Variants in ASTN2 observed in about 807,000 individuals in gnomAD.
ASTN2 encodes the protein astrotactin-2.
A neutral mutation model predicts 139.8 loss-of-function variants in ASTN2; 54 were observed. The ratio of observed to expected loss-of-function variants is 0.39; its 90% CI spans 0.31 to 0.48. The LOEUF (loss-of-function observed/expected upper bound fraction) is 0.48. ASTN2 is among the 20% of genes least tolerant of loss of function. The probability of loss-of-function intolerance (pLI) is 0.95; values close to 1 mark genes in which losing one functional copy is unlikely to be tolerated. For missense variants in ASTN2, 1,565 were observed against 1,725.1 expected (o/e 0.91, Z 1.64); for synonymous variants, 756 against 719.5 (o/e 1.05, Z -0.81).
Position 117,324,922 on chromosome 9 carries a change from G to A in ASTN2, c.443-33409C>T, listed in dbSNP as rs374302714. Among the ~76,000 whole-genome samples the A allele has an allele frequency of 3.9e-4, 59 of 152,244 alleles. 1 individual carries two copies. In the East Asian group the frequency reaches 6.8e-3, roughly 18 times the overall value. On this transcript the variant is annotated intron_variant, in intron 1 of 22. Coordinates refer to ENST00000313400, the MANE Select transcript of ASTN2 (RefSeq NM_001365068.1). ...TCAAAAGGAAGGGATATATCTATGG[G>A]CAGTGGGAGTGAAAGGGAGTGCTAT...
At chr9:117,169,637 A>G (rs1830745305) in intron 3 of ASTN2, among the ~76,000 whole-genome samples, 1 of 151,830 alleles carries the variant, frequency 6.6e-6, no homozygotes, top group South Asian at 2.1e-4. Context: ...TTGCCAACAC[A>G]CGCTTTCAAA....
At chr9:116,864,563 A>G (rs1027286343) in intron 10 of ASTN2, among the ~76,000 whole-genome samples, 6 of 152,204 alleles carry the variant, frequency 3.9e-5, no homozygotes, top group Admixed American at 2.0e-4. Context: ...TGTCTTCTGC[A>G]GAAAGGGCCC....
chr9:117,382,524 G>A (rs1291603375), intron 1 of ASTN2, among the ~76,000 whole-genome samples: 3 of 152,198 alleles, frequency 2.0e-5, no homozygotes, highest in Admixed American at 2.0e-4. Context: ...GAGGTGGTAG[G>A]TGGCAGCATA....
At chr9:117,128,679 G>C (rs1231858675) in intron 4 of ASTN2, among the ~76,000 whole-genome samples, 1 of 152,208 alleles carries the variant, frequency 6.6e-6, no homozygotes, top group Admixed American at 6.5e-5. Context: ...CCTATGCCTA[G>C]GGTTGAACAA....
At chr9:117,134,293 TATACACACACACACACAC>T (rs1442580519) in intron 4 of ASTN2, among the ~76,000 whole-genome samples, 13 of 53,914 alleles carry the variant, frequency 2.4e-4, no homozygotes, top group African/African-American at 7.7e-4. Context: ...TATATATATA[TATACACACACACACACAC>T]ACACACACAC....
chr9:116,490,641 C>T (rs1849491208), intron 19 of ASTN2, among the ~76,000 whole-genome samples: 1 of 152,132 alleles, frequency 6.6e-6, no homozygotes, highest in African/African-American at 2.4e-5. Context: ...GCGGAAGGCA[C>T]CTCTTCACAG....
In ASTN2 at chr9:116,976,180, G is replaced by A. The variant is rs1836336517; in HGVS notation, c.1685C>T (p.Pro562Leu). 2 of 1,614,022 alleles carry A rather than the reference G, an allele frequency of 1.2e-6. No individual in the cohort carries two copies. The highest frequency in any genetic ancestry group is 1.7e-6 in the Non-Finnish European group (2 of 1,179,958). ...ATAGCCCCTCTCAAGTGTCGTGTAGGGCCAAGGTCTATGGGAAGAAGGAGA... is the reference window on the plus strand; with the variant it reads ...ATAGCCCCTCTCAAGTGTCGTGTAGAGCCAAGGTCTATGGGAAGAAGGAGA... ...SDWGQSEGPW[P>L]YTTLERGYDL... The change falls in exon 9 of 23, where the codon CCC (proline) becomes CTC (leucine). Residue 562 changes from proline to leucine, a missense_variant. Transcript: ENST00000313400.
intron 7 of ASTN2, 51 bp from the exon 8 acceptor site, chr9:116,976,836 G>T: frequency 6.5e-7 from 1 of 1,542,154 alleles, no homozygotes; most frequent in Non-Finnish European, 8.9e-7. Context: ...TCCCCAAATA[G>T]GCTTTTCTCT....
chr9:117,014,483 T>A (rs544874837), intron 6 of ASTN2, among the ~76,000 whole-genome samples: 2 of 152,232 alleles, frequency 1.3e-5, no homozygotes, highest in African/African-American at 4.8e-5. Context: ...CCTCCTCCGG[T>A]TATCTCTGTC....
At chr9:117,008,400 G>A (rs913826697) in intron 6 of ASTN2, 141 bp from the exon 7 acceptor site, 17 of 669,948 alleles carry the variant, frequency 2.5e-5, no homozygotes, top group East Asian at 1.3e-4. Flanking sequence ...CAATGTGCCC[G>A]TCATGGTGTT....
intron 13 of ASTN2, among the ~76,000 whole-genome samples, chr9:116,750,308 A>G (rs371464209): frequency 3.5e-4 from 53 of 152,360 alleles, no homozygotes; most frequent in African/African-American, 1.1e-3. Flanking sequence ...GTTAACATTT[A>G]AAACCAAGCC....
intron 1 of ASTN2, among the ~76,000 whole-genome samples, chr9:117,350,984 G>A (rs930400758): frequency 2.0e-5 from 3 of 152,166 alleles, no homozygotes; most frequent in Non-Finnish European, 4.4e-5. Context: ...TAGGTGAAAA[G>A]GGGATTGCTT....
At chr9:116,817,827 T>G (rs1184413234) in intron 12 of ASTN2, among the ~76,000 whole-genome samples, 1 of 152,202 alleles carries the variant, frequency 6.6e-6, no homozygotes, top group Non-Finnish European at 1.5e-5. Flanking sequence ...TCATTTAATC[T>G]TCACAATGGT....
intron 3 of ASTN2, among the ~76,000 whole-genome samples, chr9:117,172,262 C>T (rs1830811878): frequency 1.3e-5 from 2 of 152,120 alleles, no homozygotes; most frequent in African/African-American, 4.8e-5. Flanking sequence ...GTAGAATAGG[C>T]ATATGCTGCC....
intron 5 of ASTN2, among the ~76,000 whole-genome samples, chr9:117,051,569 C>CT (rs1838912822): frequency 6.6e-6 from 1 of 152,166 alleles, no homozygotes. Flanking sequence ...CTCAAGAGTT[C>CT]TAAAAACTGG....
chr9:117,083,161 T>G (rs1828472275), intron 5 of ASTN2, among the ~76,000 whole-genome samples: 1 of 152,292 alleles, frequency 6.6e-6, no homozygotes, highest in East Asian at 1.9e-4. Context: ...ATTCCTGGTC[T>G]TCAGCAAAGA....
chr9:117,100,245 A>G (rs1203623853), intron 4 of ASTN2, among the ~76,000 whole-genome samples: 3 of 152,202 alleles, frequency 2.0e-5, no homozygotes, highest in Admixed American at 2.0e-4. Flanking sequence ...TCAAGCCTCC[A>G]TTTCCAAACT....
In ASTN2 at chr9:116,428,391, G is replaced by A. The variant is rs1289396159; in HGVS notation, c.3783-2303C>T. On this transcript the variant is annotated intron_variant, in intron 22 of 22. Coordinates refer to ENST00000313400, the MANE Select transcript of ASTN2 (RefSeq NM_001365068.1). ...ATACAAAATTTAGCTGGGCGTGGTG[G>A]TGGGTACCTGTAACCCCAGCTACTC... Among the ~76,000 whole-genome samples, 4 of 152,104 alleles carry A rather than the reference G, an allele frequency of 2.6e-5. No individual in the cohort carries two copies. The East Asian group carries it at 7.7e-4, about 29-fold the overall frequency.
intron 13 of ASTN2, among the ~76,000 whole-genome samples, chr9:116,765,319 C>A (rs571585436): frequency 6.6e-6 from 1 of 152,294 alleles, no homozygotes; most frequent in South Asian, 2.1e-4. Context: ...TAGGCAAGGT[C>A]TCCAGGCTAT....
Sources: gnomAD v4.1 joint callset for allele counts (sites outside exome capture counted in the v4.1 genomes callset) on GRCh38, gnomAD v4.1.1 for gene constraint, MANE v1.5 for transcripts, NCBI Gene and HGNC (gene_info 2026-07-23, HGNC 2026-07-21) for gene names.